P2RX5: variants seen among roughly 807,000 people sequenced by gnomAD.
The protein encoded by P2RX5 is purinergic receptor P2X 5, also known as P2X purinoceptor 5.
In P2RX5, 46 loss-of-function variants were observed where a neutral mutation model predicts 54.1. The ratio of observed to expected loss-of-function variants is 0.85; its 90% CI spans 0.67 to 1.09. P2RX5 has a LOEUF of 1.09. P2RX5 is among the 50% of genes least tolerant of loss of function. The pLI is 0.00. For missense variants in P2RX5, 566 were observed against 549.8 expected (o/e 1.03, Z -0.29); for synonymous variants, 226 against 226.4 (o/e 1.00, Z 0.02).
At chr17:3,713,059 G>A in the P2RX5 span, among the ~76,000 whole-genome samples, 2 of 152,310 alleles carry the variant, frequency 1.3e-5, no homozygotes, top group South Asian at 2.1e-4. Flanking sequence ...TTTTCACACA[G>A]TAGCAACAAA....
chr17:3,695,813 G>T, intron 1 of P2RX5, 56 bp downstream of exon 1: 2 of 1,595,686 alleles, frequency 1.3e-6, no homozygotes, highest in South Asian at 1.1e-5. Context: ...AGGACGCGGC[G>T]GCTGGCACCC....
chr17:3,689,800 AT>A (rs2050550953), intron 6 of P2RX5, among the ~76,000 whole-genome samples, 170 bp from the exon 7 acceptor site: 1 of 152,040 alleles, frequency 6.6e-6, no homozygotes, highest in South Asian at 2.1e-4. Context: ...GTTTATTCAC[AT>A]GCAGACATCA....
At chr17:3,723,673 G>T in the P2RX5 span, 1 of 1,578,636 alleles carries the variant, frequency 6.3e-7, no homozygotes, top group Non-Finnish European at 8.6e-7. Context: ...GGCCTCTCGG[G>T]ACGGCCGCGC....
chr17:3,690,374 C>A, intron 5 of P2RX5, 53 bp downstream of exon 5: 1 of 1,405,082 alleles, frequency 7.1e-7, no homozygotes, highest in Non-Finnish European at 9.9e-7. Context: ...AGGCTGGGAC[C>A]CACCGCACGG....
chr17:3,679,123 C>T (rs1268738207), intron 11 of P2RX5, among the ~76,000 whole-genome samples: 1 of 152,208 alleles, frequency 6.6e-6, no homozygotes, highest in Non-Finnish European at 1.5e-5. Flanking sequence ...GAACCTCATC[C>T]TACAGACACT....
In P2RX5 at chr17:3,696,116, G is replaced by C. The variant is rs1597278505; in HGVS notation, c.-111C>G. ...CGCCCGCCTCGGCCCGTCTGCGCCC[G>C]CTCAGCTGCAGCCCGGGGTGTCCGG... On this transcript the variant is annotated 5_prime_UTR_variant, in exon 1 of 12. Coordinates refer to ENST00000225328, the MANE Select transcript of P2RX5 (RefSeq NM_002561.4). 1.8e-5 allele frequency: 22 copies of C among 1,212,936 alleles called. No homozygotes were observed. The highest frequency in any genetic ancestry group is 2.5e-4 in the Middle Eastern group (1 of 4,052). The allele number at this position is 1,212,936 out of a possible 1,614,324, so 75.1% of individuals were successfully genotyped here.
chr17:3,679,505 G>A (rs1043679942), intron 11 of P2RX5, 85 bp downstream of exon 11: 1 of 1,250,352 alleles, frequency 8.0e-7, no homozygotes, highest in African/African-American at 1.5e-5. Context: ...GGGTCCGCTG[G>A]AGCTGCCAGG....
chr17:3,683,649 G>A (rs2142998205), intron 9 of P2RX5, among the ~76,000 whole-genome samples: 1 of 151,600 alleles, frequency 6.6e-6, no homozygotes, highest in Admixed American at 6.6e-5. Flanking sequence ...AGAATTGCTT[G>A]AGCCTGGGAG....
At chr17:3,723,246 G>T in the P2RX5 span, 18 of 1,286,082 alleles carry the variant, frequency 1.4e-5, no homozygotes, top group African/African-American at 2.5e-4. Flanking sequence ...ATGCCCGTGA[G>T]CAACTGGATA....
At chr17:3,719,234 T>TAAAAAAAAAAAAAAAAAA in the P2RX5 span, among the ~76,000 whole-genome samples, 3 of 34,804 alleles carry the variant, frequency 8.6e-5, no homozygotes, top group African/African-American at 3.6e-4. Flanking sequence ...AGATTCTTCC[T>TAAAAAAAAAAAAAAAAAA]CAAAAAAAAA....
Position 3,679,594 on chromosome 17 carries a change from G to T in P2RX5, c.1255C>A (p.His419Asn). 1 of 1,606,810 alleles carries T rather than the reference G, an allele frequency of 6.2e-7. No homozygotes were observed. The change falls in exon 11 of 12, where the codon CAC becomes AAC. Residue 419 changes from histidine to asparagine, a missense_variant. By Grantham distance (68) the His-to-Asn change is moderately conservative. Transcript: ENST00000225328. Reference sequence around the variant, plus strand: ...TCTGCCTAGCAGTGGCCTCACCTGTGGGGCTCCAGGAGCTGTGGGCACACA... The same window carrying T: ...TCTGCCTAGCAGTGGCCTCACCTGTTGGGCTCCAGGAGCTGTGGGCACACA... ...GSVCPQLLEP[H>N]RST
the P2RX5 span, among the ~76,000 whole-genome samples, chr17:3,703,524 T>TA: frequency 3.5e-4 from 52 of 150,550 alleles, 1 homozygote; most frequent in African/African-American, 1.1e-3. Flanking sequence ...AGGGATACTT[T>TA]AAAAAAAAAG....
At chr17:3,689,683 G>C (rs187885377) in intron 6 of P2RX5, 53 bp from the exon 7 acceptor site, 10 of 1,611,634 alleles carry the variant, frequency 6.2e-6, no homozygotes, top group East Asian at 4.5e-5. Context: ...GATGTTTCCC[G>C]GCCTGGCCAG....
intron 7 of P2RX5, 109 bp from the exon 8 acceptor site, chr17:3,688,868 G>T: frequency 1.6e-6 from 2 of 1,285,178 alleles, no homozygotes; most frequent in Non-Finnish European, 1.1e-6. Context: ...GCTCAGGCAC[G>T]AGGTCAGCCC....
intron 11 of P2RX5, among the ~76,000 whole-genome samples, chr17:3,679,242 G>A (rs900326881): frequency 1.3e-5 from 2 of 152,204 alleles, no homozygotes; most frequent in Admixed American, 6.5e-5. Context: ...GAAGATCGGT[G>A]TCTATCTGAT....
In P2RX5 at chr17:3,690,109, A is replaced by G; in HGVS notation, c.575T>C (p.Ile192Thr). Residue 192 changes from isoleucine (I) to threonine (T), a missense_variant, in exon 6 of 12, where the codon ATA becomes ACA. Transcript: ENST00000225328. Reference sequence around the variant, plus strand: ...TTTGGGGAAACGGATGTGGTTCTTTATGAAAATGGTGAAGTCTTCGGCCTC... The same window carrying G: ...TTTGGGGAAACGGATGTGGTTCTTTGTGAAAATGGTGAAGTCTTCGGCCTC... The part of the protein sequence containing the change: ...LKEAEDFTIF[I>T]KNHIRFPKFN... The G allele has an allele frequency of 6.2e-7, 1 of 1,614,194 alleles. No individual in the cohort carries two copies. The highest frequency in any genetic ancestry group is 8.5e-7 in the Non-Finnish European group (1 of 1,180,024).
chr17:3,715,191 T>A, the P2RX5 span, among the ~76,000 whole-genome samples: 22,681 of 152,154 alleles, frequency 0.15, 5,273 homozygotes, highest in African/African-American at 0.5. Context: ...GCTGAACCTT[T>A]TTAACTTATT....
the P2RX5 span, among the ~76,000 whole-genome samples, chr17:3,709,185 C>G: frequency 1.4e-4 from 21 of 152,264 alleles, 1 homozygote; most frequent in African/African-American, 5.1e-4. Flanking sequence ...CTCCTGACCT[C>G]AGGTGATCCA....
intron 11 of P2RX5, among the ~76,000 whole-genome samples, chr17:3,678,360 G>A (rs2050151453): frequency 6.6e-6 from 1 of 152,276 alleles, no homozygotes; most frequent in African/African-American, 2.4e-5. Context: ...CAATTGCGGT[G>A]GCAGCTGGAG....
Sources: gnomAD v4.1 joint callset for allele counts (sites outside exome capture counted in the v4.1 genomes callset) on GRCh38, gnomAD v4.1.1 for gene constraint, MANE v1.5 for transcripts, NCBI Gene and HGNC (gene_info 2026-07-23, HGNC 2026-07-21) for gene names.